Variants in PFKFB2 observed in about 807,000 individuals in gnomAD.
The protein encoded by PFKFB2 is 6-phosphofructo-2-kinase/fructose-2,6-biphosphatase 2.
Under a neutral mutation model 68.0 loss-of-function variants are expected in PFKFB2, and 53 were observed. The ratio of observed to expected loss-of-function variants is 0.78; its 90% CI spans 0.63 to 0.98. PFKFB2 has a LOEUF of 0.98. Ranked by LOEUF, PFKFB2 falls within the 50% of genes least tolerant of loss-of-function variation. PFKFB2 has a pLI of 0.00. For missense variants in PFKFB2, 451 were observed against 642.0 expected, an observed-to-expected ratio of 0.70 and a Z score of 3.22; for synonymous variants, 222 against 227.6, an observed-to-expected ratio of 0.98 and a Z score of 0.22.
At chr1:207,059,496 A>G (rs1683023671) in intron 2 of PFKFB2, among the ~76,000 whole-genome samples, 1 of 152,154 alleles carries the variant, frequency 6.6e-6, no homozygotes, top group South Asian at 2.1e-4. Flanking sequence ...GTGATCAGGG[A>G]TTAATGCCAG....
chr1:207,051,133 T>TC, upstream of PFKFB2: 1 of 1,419,972 alleles, frequency 7.0e-7, no homozygotes, highest in South Asian at 1.5e-5. Flanking sequence ...AACTGATTTT[T>TC]CCCCCACCCT....
intron 1 of PFKFB2, among the ~76,000 whole-genome samples, chr1:207,040,654 C>T (rs1682458324): frequency 6.6e-6 from 1 of 152,124 alleles, no homozygotes; most frequent in Non-Finnish European, 1.5e-5. Context: ...GAGACAAAGA[C>T]AATCCAAGTC....
intron 9 of PFKFB2, 61 bp downstream of exon 9, chr1:207,067,767 G>A: frequency 1.5e-6 from 2 of 1,342,286 alleles, no homozygotes; most frequent in Non-Finnish European, 2.1e-6. Context: ...CATGACTGAG[G>A]TCATATATTT....
In PFKFB2 at chr1:207,063,712, G is replaced by T. The variant is rs2102352607; in HGVS notation, c.451-61G>T. 1 of 1,371,834 alleles carries T rather than the reference G, an allele frequency of 7.3e-7. No individual in the cohort carries two copies. The allele number at this position is 1,371,834 out of a possible 1,614,324, so 85.0% of individuals were successfully genotyped here. A position where few individuals can be genotyped will look rare whatever the true frequency, so the allele number is the denominator to read the frequency against. ...GGCTGGGTGGGGTAGATGAGCATGTGCTCTTAATTAACAGCCTGGCATTTT... is the reference window on the plus strand; with the variant it reads ...GGCTGGGTGGGGTAGATGAGCATGTTCTCTTAATTAACAGCCTGGCATTTT... On this transcript the variant is annotated intron_variant, in intron 6 of 14. Coordinates refer to ENST00000367080, the MANE Select transcript of PFKFB2 (RefSeq NM_006212.2). This position sits in a 1 kb window ranked among gnomAD's most constrained non-coding sequence, Gnocchi z 4.1.
chr1:207,072,915 G>A lies in PFKFB2; in HGVS notation c.*544G>A, dbSNP rs953608521. On this transcript the variant is annotated 3_prime_UTR_variant, in exon 15 of 15. Transcript: ENST00000367080. ...TGTAATGCATGGCATTGTGGTGTCT[G>A]TCTAGGAAGGAAGGGGTGATTGACA... The A allele has an allele frequency of 9.1e-6, 9 of 985,706 alleles. No homozygotes were observed. The African/African-American group carries it at 1.6e-4, about 17-fold the overall frequency. 61.1% of individuals were successfully genotyped at this position (985,706 alleles called of 1,614,324 possible).
Position 207,067,691 on chromosome 1 carries a change from G to C in PFKFB2, c.825G>C (p.Ser275=). 1 of 1,613,580 alleles carries C rather than the reference G, an allele frequency of 6.2e-7. No homozygotes were observed. The highest frequency in any genetic ancestry group is 8.5e-7 in the Non-Finnish European group (1 of 1,179,696). Residue 275 remains serine, a synonymous_variant, in exon 9 of 15, where the codon TCG becomes TCC. Transcript: ENST00000367080. ...AGATTGGGGGTGACTCTGGCCTCTC[G>C]GTGCGGGGAAAGCAGGTGAGTAATT... ...LGKIGGDSGL[S]VRGKQFAQAL...
Position 207,077,348 on chromosome 1 carries a change from G to A in PFKFB2, c.*4977G>A. On this transcript the variant is annotated 3_prime_UTR_variant, in exon 15 of 15. Coordinates refer to ENST00000367080, the MANE Select transcript of PFKFB2 (RefSeq NM_006212.2). ...CATTTAAAAATTGATTTTAAGGGTT[G>A]GCAAAAGTATTTTTTCCAGTAAGCC... 4 of 985,034 alleles carry A rather than the reference G, an allele frequency of 4.1e-6. No individual in the cohort carries two copies. The highest frequency in any genetic ancestry group is 4.8e-6 in the Non-Finnish European group (4 of 829,572). The allele number at this position is 985,034 out of a possible 1,614,324, so 61.0% of individuals were successfully genotyped here. A position where few individuals can be genotyped will look rare whatever the true frequency, so the allele number is the denominator to read the frequency against.
Position 207,042,549 on chromosome 1 carries a change from C to CAAAAAAAAAAAAAAAAAAA in PFKFB2, c.-18+351_-18+369dup, listed in dbSNP as rs57077682. Among the ~76,000 whole-genome samples the CAAAAAAAAAAAAAAAAAAA allele has an allele frequency of 6.5e-4, 29 of 44,716 alleles. 2 individuals are homozygous for CAAAAAAAAAAAAAAAAAAA. Among genetic ancestry groups the CAAAAAAAAAAAAAAAAAAA allele is most frequent in the South Asian group, 2.4e-3 (2 of 828 alleles). The allele number at this position is 44,716 out of a possible 152,430, so 29.3% of individuals were successfully genotyped here. On this transcript the variant is annotated intron_variant, in intron 2 of 5. Coordinates refer to the PFKFB2 transcript ENST00000545806. ...GGCGACACAGCAACACTCTGTCTCACAAAAAAAAAAAAAAAAAAAAAAAAA... is the reference window on the plus strand; with the variant it reads ...GGCGACACAGCAACACTCTGTCTCACAAAAAAAAAAAAAAAAAAAAAAAAAAAAAAAAAAAAAAAAAAAA...
intron 2 of PFKFB2, among the ~76,000 whole-genome samples, chr1:207,057,324 A>AC (rs1682955499): frequency 6.7e-6 from 1 of 149,196 alleles, no homozygotes; most frequent in African/African-American, 2.4e-5. Flanking sequence ...AAAAAAAAAA[A>AC]AAAACTAGCC....
intron 1 of PFKFB2, chr1:207,035,134 G>A: frequency 1.0e-6 from 1 of 984,870 alleles, no homozygotes; most frequent in African/African-American, 1.7e-5. Context: ...ACCAGACTCT[G>A]TGGAAACTAA....
chr1:207,065,818 T>A (rs2102268791), intron 8 of PFKFB2, among the ~76,000 whole-genome samples: 1 of 152,288 alleles, frequency 6.6e-6, no homozygotes, highest in South Asian at 2.1e-4. Flanking sequence ...TAGATGCCAG[T>A]AACACCTCCA....
chr1:207,038,656 C>G (rs1441955107), intron 1 of PFKFB2, among the ~76,000 whole-genome samples: 1 of 152,086 alleles, frequency 6.6e-6, no homozygotes, highest in Non-Finnish European at 1.5e-5. Context: ...ATTCTCCCAC[C>G]CAATTATTCT....
intron 1 of PFKFB2, among the ~76,000 whole-genome samples, chr1:207,038,033 C>A (rs904213479): frequency 6.6e-6 from 1 of 152,226 alleles, no homozygotes; most frequent in African/African-American, 2.4e-5. Context: ...TGGTACTCCA[C>A]TTCCACTCCG....
At chr1:207,062,813 T>G (rs753436310) in intron 4 of PFKFB2, 97 bp downstream of exon 4, 1 of 1,199,982 alleles carries the variant, frequency 8.3e-7, no homozygotes, top group Non-Finnish European at 1.2e-6. Context: ...GTAAATATCT[T>G]AAGGGGAAGT....
At chr1:207,035,670 C>CAA (rs1418254482) in intron 1 of PFKFB2, among the ~76,000 whole-genome samples, 5,080 of 148,574 alleles carry the variant, frequency 0.034, 294 homozygotes, top group African/African-American at 0.12. Context: ...AACAAACAAA[C>CAA]AAACAAAAAA....
rs572979808 is a variant in PFKFB2, at chr1:207,068,111, T to C, written c.841-52T>C. On this transcript the variant is annotated intron_variant, in intron 9 of 14. Coordinates refer to ENST00000367080, the MANE Select transcript of PFKFB2 (RefSeq NM_006212.2). ...TGTGTGTTGAGTGTGTGTGTGTGTG[T>C]GTGTGTCTGTGTGTTTTCTTTTTAC... is the stretch of plus-strand genomic sequence containing the variant. 3.1e-4 allele frequency: 446 copies of C among 1,460,746 alleles called. 5 individuals are homozygous for C. The South Asian group carries it at 5.1e-3, about 17-fold the overall frequency. The allele number at this position is 1,460,746 out of a possible 1,614,324, so 90.5% of individuals were successfully genotyped here. A position where few individuals can be genotyped will look rare whatever the true frequency, so the allele number is the denominator to read the frequency against.
At chr1:207,065,424 C>T (rs1440221749) in intron 8 of PFKFB2, 6 of 428,354 alleles carry the variant, frequency 1.4e-5, no homozygotes, top group Non-Finnish European at 1.9e-5. Context: ...AATCAGGGCC[C>T]ACTGCAACTG....
At chr1:207,057,435 G>A (rs558641321) in intron 2 of PFKFB2, among the ~76,000 whole-genome samples, 103 of 150,484 alleles carry the variant, frequency 6.8e-4, no homozygotes, top group Admixed American at 2.0e-3. Context: ...CCGAGATCGC[G>A]CCACTGCACT....
At chr1:207,062,167 C>T in intron 3 of PFKFB2, 89 bp downstream of exon 3, 1 of 1,544,322 alleles carries the variant, frequency 6.5e-7, no homozygotes, top group Non-Finnish European at 8.8e-7. Flanking sequence ...GGCATCAATG[C>T]TATAGGGTGC....
Sources: gnomAD v4.1 joint callset for allele counts (sites outside exome capture counted in the v4.1 genomes callset) on GRCh38, gnomAD v4.1.1 for gene constraint, Gnocchi (gnomAD v3.1) non-coding constraint, MANE v1.5 for transcripts, NCBI Gene and HGNC (gene_info 2026-07-23, HGNC 2026-07-21) for gene names.